TOP1MT: variants seen among roughly 807,000 people sequenced by gnomAD.
TOP1MT encodes the protein DNA topoisomerase I mitochondrial, also known as DNA topoisomerase I, mitochondrial.
TOP1MT carries 80 observed loss-of-function variants against 73.9 expected under a neutral mutation model. The ratio of observed to expected loss-of-function variants is 1.08; its 90% CI spans 0.90 to 1.30. The LOEUF (loss-of-function observed/expected upper bound fraction) is 1.30. Among genes scored for constraint, TOP1MT ranks in the 50% most tolerant of loss-of-function variants. The pLI is 0.00. For synonymous variants in TOP1MT, 338 were observed against 326.4 expected, an observed-to-expected ratio of 1.04 and a Z score of -0.38; for missense variants, 815 against 808.0, an observed-to-expected ratio of 1.01 and a Z score of -0.10.
At chr8:143,353,503 C>T (rs1318432542) in intron 1 of TOP1MT, among the ~76,000 whole-genome samples, 3 of 151,812 alleles carry the variant, frequency 2.0e-5, no homozygotes, top group Non-Finnish European at 4.4e-5. Context: ...TGAAAAGATG[C>T]TTGGTATCAC....
At chr8:143,323,004 GGCACGCCACACACAT>G (rs1816551819) in intron 7 of TOP1MT, among the ~76,000 whole-genome samples, 1 of 56,586 alleles carries the variant, frequency 1.8e-5, no homozygotes, top group Non-Finnish European at 3.2e-5. Context: ...GCCACACACA[GGCACGCCACACACAT>G]GCACACACAC....
chr8:143,350,316 C>T (rs189331399), intron 1 of TOP1MT: 12 of 152,290 alleles, frequency 7.9e-5, no homozygotes, highest in African/African-American at 2.9e-4. Flanking sequence ...ATCACTCTTT[C>T]TTTCTTTTCA....
upstream of TOP1MT, among the ~76,000 whole-genome samples, chr8:143,357,363 G>A (rs1303471472): frequency 1.3e-5 from 2 of 148,992 alleles, no homozygotes; most frequent in Non-Finnish European, 3.0e-5. Context: ...AGTTAGCTAT[G>A]ATCACCACTG....
chr8:143,314,196 T>G (rs1731472709), intron 12 of TOP1MT, among the ~76,000 whole-genome samples: 1 of 152,180 alleles, frequency 6.6e-6, no homozygotes, highest in African/African-American at 2.4e-5. Flanking sequence ...TCTCATTTCC[T>G]GACCCCACAA....
upstream of TOP1MT, chr8:143,359,507 A>C: frequency 6.9e-6 from 6 of 875,492 alleles, no homozygotes; most frequent in Non-Finnish European, 6.8e-6. Flanking sequence ...GGGCCCAAGC[A>C]GAAAGTCAGG....
At chr8:143,323,217 AGGCACGC>A in intron 7 of TOP1MT, among the ~76,000 whole-genome samples, 3 of 101,576 alleles carry the variant, frequency 3.0e-5, no homozygotes, top group African/African-American at 1.1e-4. Context: ...CACGCCACAC[AGGCACGC>A]CACACACAGG....
intron 1 of TOP1MT, among the ~76,000 whole-genome samples, chr8:143,350,876 C>T (rs939116670): frequency 1.3e-5 from 2 of 152,156 alleles, no homozygotes; most frequent in Admixed American, 1.3e-4. Context: ...CACTCCCCAC[C>T]GACAGAGACT....
chr8:143,337,564 A>G (rs1299341384), upstream of TOP1MT, among the ~76,000 whole-genome samples: 1 of 152,240 alleles, frequency 6.6e-6, no homozygotes, highest in Non-Finnish European at 1.5e-5. Context: ...TTGAAAAAGA[A>G]TAACAAAGTT....
rs1402932858 is a variant in TOP1MT, at chr8:143,310,199, C to T, written c.1572G>A (p.Arg524=). 1.3e-6 allele frequency: 2 copies of T among 1,579,518 alleles called. No homozygotes were observed. Among genetic ancestry groups the T allele is most frequent in the African/African-American group, 1.3e-5 (1 of 74,124 alleles). The change falls in exon 13 of 14, where the codon AGG becomes AGA. Residue 524 remains arginine, a synonymous_variant. Coordinates refer to ENST00000329245, the MANE Select transcript of TOP1MT (RefSeq NM_052963.3). ...GKSRSVLEKK[R]RLLEKLQEQL... ...GCTCCTGCAGCTTCTCCAGGAGCCGCCTCTTCTTCTCCAGGACACTGGCAA... is the reference window on the plus strand; with the variant it reads ...GCTCCTGCAGCTTCTCCAGGAGCCGTCTCTTCTTCTCCAGGACACTGGCAA...
At chr8:143,334,314 CCGCCG>C (rs1304685887) in intron 1 of TOP1MT, 1 of 156,348 alleles carries the variant, frequency 6.4e-6, no homozygotes, top group African/African-American at 2.4e-5. Flanking sequence ...CAGTGAGCGC[CCGCCG>C]CCATGCAGAA....
At position 143,318,071 on chromosome 8, in the gene TOP1MT, G is replaced by C; in HGVS notation, c.1162C>G (p.Gln388Glu). 1 of 1,614,028 alleles carries C rather than the reference G, an allele frequency of 6.2e-7. No homozygotes were observed. Among genetic ancestry groups the C allele is most frequent in the Admixed American group, 1.7e-5 (1 of 60,020 alleles). Residue 388 changes from glutamine to glutamate, a missense_variant, in exon 9 of 14, where the codon CAG (glutamine) becomes GAG (glutamate). By Grantham distance (29) the Gln-to-Glu change is conservative. Transcript: ENST00000329245. ...GGGTCCTTGTTCTCCATAAAGAGCT[G>C]TAAGTTCTTGTACACCTGAAGGAGA... ...PVEKPVYKNLQLFMENKDPRD... is the reference protein window; with the variant it reads ...PVEKPVYKNLELFMENKDPRD...
In TOP1MT at chr8:143,351,374, A is replaced by T. The variant is rs542924528; in HGVS notation, c.-39+4591T>A. 3.3e-5 allele frequency among the ~76,000 whole-genome samples: 5 copies of T among 152,212 alleles called. No individual in the cohort carries two copies. In the South Asian group the frequency reaches 1.0e-3, roughly 32 times the overall value. On this transcript the variant is annotated intron_variant, in intron 1 of 5. Coordinates refer to the TOP1MT transcript ENST00000518760. ...GATCACCTGAGGTCAGGAGTTCAAG[A>T]CCAGCCCAGCCAACATGGCGAAACC...
At chr8:143,348,408 C>T (rs1010407208), upstream of TOP1MT, among the ~76,000 whole-genome samples, 1 of 152,180 alleles carries the variant, frequency 6.6e-6, no homozygotes, top group African/African-American at 2.4e-5. This position sits in a 1 kb window ranked among gnomAD's most constrained non-coding sequence, Gnocchi z 4.6. Context: ...CGGCTCAAGA[C>T]TCCATGTGAC....
At chr8:143,322,318 T>C (rs1211426717) in intron 7 of TOP1MT, among the ~76,000 whole-genome samples, 19 of 27,622 alleles carry the variant, frequency 6.9e-4, no homozygotes, top group African/African-American at 2.3e-3. Context: ...AGGCACGCCA[T>C]ACAGATGCAT....
At chr8:143,337,239 C>T (rs975346775), upstream of TOP1MT, among the ~76,000 whole-genome samples, 3 of 152,070 alleles carry the variant, frequency 2.0e-5, no homozygotes, top group Admixed American at 1.3e-4. Context: ...CTGGCTAAAA[C>T]GTCTCTACTA....
intron 3 of TOP1MT, among the ~76,000 whole-genome samples, chr8:143,328,579 C>T (rs10283197): frequency 0.38 from 57,420 of 152,202 alleles, 13,516 homozygotes; most frequent in East Asian, 0.66. Context: ...AAGCTGGACA[C>T]ACGTGACCCA....
chr8:143,353,042 T>A (rs1315958845), intron 1 of TOP1MT, among the ~76,000 whole-genome samples: 1 of 152,024 alleles, frequency 6.6e-6, no homozygotes, highest in Non-Finnish European at 1.5e-5. Context: ...AAAAAGACAA[T>A]CCACAGATAG....
Position 143,324,428 on chromosome 8 carries a change from C to T in TOP1MT, c.816+57G>A, listed in dbSNP as rs1404672314. On this transcript the variant is annotated intron_variant, in intron 6 of 13. Transcript: ENST00000329245. ...GTGCCCGGCTTACACACCTCCCTGC[C>T]GGCGTCCTCAGGGGGACCTCCTGGG... 2.9e-5 allele frequency: 47 copies of T among 1,610,040 alleles called. 1 individual carries two copies. The highest frequency in any genetic ancestry group is 2.9e-4 in the East Asian group (13 of 44,860).
At chr8:143,358,802 T>G (rs1431095386), upstream of TOP1MT, 1 of 152,044 alleles carries the variant, frequency 6.6e-6, no homozygotes, top group East Asian at 1.9e-4. Context: ...CAGCAGCAGC[T>G]GAGAGGGCAG....
Sources: allele counts gnomAD v4.1 joint callset (sites outside exome capture counted in the v4.1 genomes callset), GRCh38; gene constraint gnomAD v4.1.1; non-coding constraint Gnocchi (gnomAD v3.1); transcripts MANE v1.5; gene names NCBI Gene and HGNC (gene_info 2026-07-23, HGNC 2026-07-21).